The following SRCAP variants were observed in gnomAD, a reference collection of about 807,000 sequenced individuals.
The protein encoded by SRCAP is Snf2 related CREBBP activator protein, also known as chromatin remodeling protein SRCAP.
SRCAP carries 46 observed loss-of-function variants against 263.1 expected under a neutral mutation model. The observed-to-expected ratio is 0.17, with a 90% CI of 0.14 to 0.22. The LOEUF (loss-of-function observed/expected upper bound fraction) is 0.22. Ranked by LOEUF, SRCAP falls within the 10% of genes least tolerant of loss-of-function variation. The pLI is 1.00. For missense variants in SRCAP, 3,695 were observed against 4,181.9 expected, an observed-to-expected ratio of 0.88 and a Z score of 3.21; for synonymous variants, 1,813 against 1,662.1, an observed-to-expected ratio of 1.09 and a Z score of -2.21.
rs1350125580 is a variant in SRCAP at position 30,737,778 on chromosome 16, G to C, written c.7738G>C (p.Val2580Leu). 2 of 1,614,000 alleles carry C rather than the reference G, an allele frequency of 1.2e-6. No individual in the cohort carries two copies. The highest frequency in any genetic ancestry group is 3.3e-5 in the Admixed American group (2 of 59,986). ...ASSETSSLSLVPPKDLLPVAV... is the reference protein window; with the variant it reads ...ASSETSSLSLLPPKDLLPVAV... The stretch of plus-strand genomic sequence containing the variant: ...TTCAGAAACCTCCTCACTTTCTCTT[G>C]TGCCCCCTAAAGATCTGTTGCCAGT... Residue 2580 changes from valine to leucine, a missense_variant, in exon 34 of 34, where the codon GTG becomes CTG. By Grantham distance (32) the Val-to-Leu change is conservative. Coordinates refer to ENST00000262518, the MANE Select transcript of SRCAP (RefSeq NM_006662.3).
rs766719167 is a variant in SRCAP, at chr16:30,707,372, G to A, written c.492+4G>A. The A allele has an allele frequency of 1.5e-5, 24 of 1,613,224 alleles. No individual in the cohort carries two copies. The highest frequency in any genetic ancestry group is 2.0e-5 in the Non-Finnish European group (24 of 1,179,398). On this transcript the variant is annotated splice_donor_region_variant and intron_variant, in intron 5 of 33. Coordinates refer to ENST00000262518, the MANE Select transcript of SRCAP (RefSeq NM_006662.3). ...GAAACGGGGTGTGGCCCGGAAGGTA[G>A]GTCTTCCGCTGGGACTTCCTTCCTT...
In SRCAP at chr16:30,724,264, C is replaced by T; in HGVS notation, c.4840C>T (p.Pro1614Ser). ...PPLAPLPVLA[P>S]SPGAAPVLAS... Reference sequence around the variant, plus strand: ...TCTGGCTCCTCTTCCGGTCCTGGCACCATCGCCAGGTGCTGCTCCTGTCCT... The same window carrying T: ...TCTGGCTCCTCTTCCGGTCCTGGCATCATCGCCAGGTGCTGCTCCTGTCCT... The change falls in exon 25 of 34, where the codon CCA (proline) becomes TCA (serine). Residue 1614 changes from proline to serine, a missense_variant. Pro to Ser is a moderately conservative substitution (Grantham distance 74). Coordinates refer to ENST00000262518, the MANE Select transcript of SRCAP (RefSeq NM_006662.3). 1 of 1,614,134 alleles carries T rather than the reference C, an allele frequency of 6.2e-7. No individual in the cohort carries two copies. Among genetic ancestry groups the T allele is most frequent in the Non-Finnish European group, 8.5e-7 (1 of 1,180,020 alleles).
chr16:30,713,181 T>C, intron 14 of SRCAP, 27 bp from the exon 15 acceptor site: 5 of 1,610,114 alleles, frequency 3.1e-6, no homozygotes, highest in Non-Finnish European at 4.2e-6. Flanking sequence ...TCCCACTATC[T>C]GCTACTTTCT....
chr16:30,708,271 C>T (rs1387160850), intron 6 of SRCAP, among the ~76,000 whole-genome samples: 1 of 152,162 alleles, frequency 6.6e-6, no homozygotes, highest in East Asian at 1.9e-4. Flanking sequence ...TGCAGTGGTA[C>T]GATCACAGCT....
chr16:30,736,331 G>T lies in SRCAP; in HGVS notation c.6861G>T (p.Arg2287=). 1 of 1,614,152 alleles carries T rather than the reference G, an allele frequency of 6.2e-7. No homozygotes were observed. Among genetic ancestry groups the T allele is most frequent in the African/African-American group, 1.3e-5 (1 of 75,030 alleles). Residue 2287 remains arginine (R), a synonymous_variant, in exon 32 of 34, where the codon CGG becomes CGT. Transcript: ENST00000262518. ...CTGGTGAGGGAGAGGAAGCTGGCCG[G>T]CCTGGGGCTGAGGATGAGGAGATGT... ...FPAGEGEEAG[R]PGAEDEEMSR... is the part of the protein sequence containing the mutation.
At chr16:30,712,853 G>A (rs2052906005) in intron 14 of SRCAP, 38 bp downstream of exon 14, 1 of 1,606,820 alleles carries the variant, frequency 6.2e-7, no homozygotes. Context: ...TCCCATTGAT[G>A]CCTCCTTTAT....
intron 14 of SRCAP, 140 bp from the exon 15 acceptor site, chr16:30,713,067 CT>C (rs2052909929): frequency 1.9e-6 from 2 of 1,045,302 alleles, no homozygotes; most frequent in Non-Finnish European, 2.8e-6. Flanking sequence ...GGCCCCTCCT[CT>C]TTCTGTCGCT....
In SRCAP at chr16:30,720,436, A is replaced by G. The variant is rs2053000367; in HGVS notation, c.2987+105A>G. On this transcript the variant is annotated intron_variant, in intron 19 of 33. Transcript: ENST00000262518. ...AAAGAGTTGGATGCAAGGCTGGAAT[A>G]TTTATATGGGATGGGTGCAAACGTG... The G allele has an allele frequency of 3.0e-6, 4 of 1,351,390 alleles. No homozygotes were observed. In the Admixed American group the frequency reaches 8.6e-5, roughly 29 times the overall value. 83.7% of individuals were successfully genotyped at this position (1,351,390 alleles called of 1,614,324 possible). A position where few individuals can be genotyped will look rare whatever the true frequency, so the allele number is the denominator to read the frequency against.
Position 30,723,677 on chromosome 16 carries a change from C to G in SRCAP, c.4253C>G (p.Pro1418Arg), listed in dbSNP as rs749289336. The change falls in exon 25 of 34, where the codon CCC becomes CGC. Residue 1418 changes from proline to arginine, a missense_variant. Around this residue, in one of 12 missense-constraint regions of SRCAP, gnomAD observed 1,347 missense variants for 1,304.4 expected, o/e 1.03. Transcript: ENST00000262518. ...CCAGCCTCTTCTCCAATGCCAATTC[C>G]CAACTCCTCTCCCCTTGCTAGTCCT... is the stretch of plus-strand genomic sequence containing the variant. ...PGPASSPMPI[P>R]NSSPLASPVS... is the part of the protein sequence containing the mutation. 5.6e-6 allele frequency: 9 copies of G among 1,613,760 alleles called. No homozygotes were observed. Among genetic ancestry groups the G allele is most frequent in the Non-Finnish European group, 7.6e-6 (9 of 1,179,848 alleles).
intron 27 of SRCAP, among the ~76,000 whole-genome samples, chr16:30,731,869 G>C (rs539761495): frequency 6.6e-6 from 1 of 152,074 alleles, no homozygotes; most frequent in African/African-American, 2.4e-5. Flanking sequence ...ATAAGGCTGG[G>C]CCTGGTGGCT....
At chr16:30,728,867 C>A in intron 25 of SRCAP, 99 bp from the exon 26 acceptor site, 1 of 1,390,596 alleles carries the variant, frequency 7.2e-7, no homozygotes, top group Non-Finnish European at 9.5e-7. Context: ...TTTTGGATCC[C>A]ATGGTTTCTA....
At position 30,712,913 on chromosome 16, in the gene SRCAP, A is replaced by T. The variant is rs375934983; in HGVS notation, c.2130+98A>T. The T allele has an allele frequency of 1.2e-5, 17 of 1,439,504 alleles. No homozygotes were observed. The South Asian group carries it at 1.9e-4, about 16-fold the overall frequency. The allele number at this position is 1,439,504 out of a possible 1,614,324, so 89.2% of individuals were successfully genotyped here. A position where few individuals can be genotyped will look rare whatever the true frequency, so the allele number is the denominator to read the frequency against. On this transcript the variant is annotated intron_variant, in intron 14 of 33. Coordinates refer to ENST00000262518, the MANE Select transcript of SRCAP (RefSeq NM_006662.3). ...TTCCTTTCTCTCCTCTTTCTTTTTT[A>T]AAAAAAATTTTTTAATTTTTTGTAA...
chr16:30,725,514 C>T (rs935605362), intron 25 of SRCAP: 4 of 157,646 alleles, frequency 2.5e-5, no homozygotes, highest in African/African-American at 7.2e-5. Flanking sequence ...TCCAGTGGGT[C>T]CCTCCACGCC....
chr16:30,710,174 G>T, intron 8 of SRCAP, 46 bp downstream of exon 8: 1 of 1,583,944 alleles, frequency 6.3e-7, no homozygotes. Context: ...GGGAACAGAG[G>T]GAGAGGTTCA....
In SRCAP at chr16:30,701,878, C is replaced by T. The variant is rs1175473393; in HGVS notation, c.54+1000C>T. 3.3e-5 allele frequency among the ~76,000 whole-genome samples: 5 copies of T among 151,604 alleles called. No individual in the cohort carries two copies. In the South Asian group the frequency reaches 8.3e-4, roughly 25 times the overall value. ...AACTCCTGACCTCAGGTGATCCACC[C>T]ACCTTGGCCTCCCAAAGTATTAGGA... On this transcript the variant is annotated intron_variant, in intron 3 of 33. Transcript: ENST00000262518.
Position 30,740,412 on chromosome 16 carries a change from A to G in SRCAP, c.*679A>G, listed in dbSNP as rs1370067531. 1.3e-5 allele frequency: 2 copies of G among 152,072 alleles called. No homozygotes were observed. Among genetic ancestry groups the G allele is most frequent in the African/African-American group, 2.4e-5 (1 of 41,348 alleles). 9.4% of individuals were successfully genotyped at this position (152,072 alleles called of 1,614,324 possible). A position where few individuals can be genotyped will look rare whatever the true frequency, so the allele number is the denominator to read the frequency against. On this transcript the variant is annotated 3_prime_UTR_variant, in exon 34 of 34. Coordinates refer to ENST00000262518, the MANE Select transcript of SRCAP (RefSeq NM_006662.3). ...TCCTCGGAGCTCTTTGATGCCTCAG[A>G]CCTTTCCCTTTTATCCCTCTTGCTC... is the stretch of plus-strand genomic sequence containing the variant.
At position 30,737,096 on chromosome 16, in the gene SRCAP, G is replaced by A; in HGVS notation, c.7056G>A (p.Glu2352=). The change falls in exon 34 of 34, where the codon GAG becomes GAA. Residue 2352 remains glutamate, a synonymous_variant. Transcript: ENST00000262518. The stretch of plus-strand genomic sequence containing the variant: ...AAGACCTGGACCAAGCCAAGGAGGA[G>A]GTGTTCCGCCTACCCCAAGAGGAGG... ...ARKDLDQAKE[E]VFRLPQEEEE... The A allele has an allele frequency of 6.2e-7, 1 of 1,611,412 alleles. No homozygotes were observed.
chr16:30,737,944 T>C lies in SRCAP; in HGVS notation c.7904T>C (p.Val2635Ala). 1 of 1,614,180 alleles carries C rather than the reference T, an allele frequency of 6.2e-7. No individual in the cohort carries two copies. The highest frequency in any genetic ancestry group is 8.5e-7 in the Non-Finnish European group (1 of 1,180,036). Reference protein sequence around the residue: ...PDSAEGTTLTVLPEGEELPLC... With the variant: ...PDSAEGTTLTALPEGEELPLC... The stretch of plus-strand genomic sequence containing the variant: ...TCTGCTGAGGGGACCACCCTTACAG[T>C]GCTGCCTGAAGGTGAGGAGTTGCCC... Residue 2635 changes from valine to alanine, a missense_variant, in exon 34 of 34, where the codon GTG becomes GCG. Physicochemically the swap from Val to Ala is moderately conservative, Grantham distance 64. Transcript: ENST00000262518.
In SRCAP at chr16:30,733,256, C is replaced by T; in HGVS notation, c.6128-24C>T. 6.2e-7 allele frequency: 1 copy of T among 1,610,754 alleles called. No homozygotes were observed. The highest frequency in any genetic ancestry group is 1.3e-5 in the African/African-American group (1 of 75,032). On this transcript the variant is annotated intron_variant, in intron 27 of 33. Transcript: ENST00000262518. The surrounding 1 kb of genome is among the most constrained non-coding windows in gnomAD (Gnocchi z 5.3). ...CCCATTGCGGCTTGTAGCTAGCTCC[C>T]TGTATCCCTTCATATCTCTTTAGGA... is the stretch of plus-strand genomic sequence containing the variant.
Sources: allele counts gnomAD v4.1 joint callset (sites outside exome capture counted in the v4.1 genomes callset), GRCh38; gene constraint gnomAD v4.1.1; regional missense constraint gnomAD v4.1.1; non-coding constraint Gnocchi (gnomAD v3.1); transcripts MANE v1.5; gene names NCBI Gene and HGNC (gene_info 2026-07-23, HGNC 2026-07-21).